Variants in CNNM2 observed in about 807,000 individuals in gnomAD.
CNNM2 encodes cyclin and CBS domain divalent metal cation transport mediator 2.
A neutral mutation model predicts 66.9 loss-of-function variants in CNNM2; 12 were observed. The ratio of observed to expected loss-of-function variants is 0.18; its 90% CI spans 0.11 to 0.29. The LOEUF (loss-of-function observed/expected upper bound fraction) is 0.29, where lower values mean the gene tolerates loss of function less well. Among genes scored for constraint, CNNM2 ranks in the 10% least tolerant of loss-of-function variants. The probability of loss-of-function intolerance (pLI) is 1.00; values close to 1 mark genes in which losing one functional copy is unlikely to be tolerated. For synonymous variants in CNNM2, 557 were observed against 501.8 expected, an observed-to-expected ratio of 1.11 and a Z score of -1.47; for missense variants, 705 against 1,167.7, an observed-to-expected ratio of 0.60 and a Z score of 5.77.
chr10:102,934,529 C>T lies in CNNM2; in HGVS notation c.1621+14428C>T, dbSNP rs67760877. On this transcript the variant is annotated intron_variant, in intron 1 of 7. Transcript: ENST00000369878. ...CTTCTGACCTCAAATGATCCACCCA[C>T]CTCGGCCTCCCAAAGTGCTGGGATT... Among the ~76,000 whole-genome samples the T allele has an allele frequency of 0.31, 47,309 of 151,722 alleles. 7,490 individuals are homozygous for T. The highest frequency in any genetic ancestry group is 0.37 in the Middle Eastern group (109 of 294).
Position 103,087,954 on chromosome 10 carries a change from A to C in CNNM2, c.*10774A>C, listed in dbSNP as rs2065883102. ...ATAAAATAATTTTTTAAAAAGCCTC[A>C]CTTCACAGTCCTGTTCCAAAAATCT... On this transcript the variant is annotated 3_prime_UTR_variant, in exon 8 of 8. Transcript: ENST00000369878. The C allele has an allele frequency of 6.6e-6, 1 of 152,234 alleles. No individual in the cohort carries two copies. The highest frequency in any genetic ancestry group is 6.5e-5 in the Admixed American group (1 of 15,290). 9.4% of individuals were successfully genotyped at this position (152,234 alleles called of 1,614,324 possible).
intron 1 of CNNM2, among the ~76,000 whole-genome samples, chr10:103,033,675 G>A (rs1156946653): frequency 6.6e-6 from 1 of 151,754 alleles, no homozygotes; most frequent in Non-Finnish European, 1.5e-5. Flanking sequence ...TGGTAGAGAT[G>A]GGGGTTTCAC....
chr10:102,954,235 C>T (rs1227681185), intron 1 of CNNM2, among the ~76,000 whole-genome samples: 6 of 151,270 alleles, frequency 4.0e-5, no homozygotes, highest in African/African-American at 9.7e-5. Context: ...TCAAGCAATC[C>T]TCCTGCCTCA....
chr10:102,959,531 C>G (rs1185617375), intron 1 of CNNM2, among the ~76,000 whole-genome samples: 1 of 152,162 alleles, frequency 6.6e-6, no homozygotes, highest in East Asian at 1.9e-4. Flanking sequence ...TGCATAACAC[C>G]AGGAAAGTTA....
intron 1 of CNNM2, among the ~76,000 whole-genome samples, chr10:103,012,382 G>A (rs978388641): frequency 3.3e-5 from 5 of 152,056 alleles, no homozygotes; most frequent in African/African-American, 9.7e-5. Context: ...ATGGTGGCTC[G>A]CGCCTGTAAT....
At chr10:102,944,581 CGTGTGTGT>C (rs148795286) in intron 1 of CNNM2, among the ~76,000 whole-genome samples, 108 of 143,486 alleles carry the variant, frequency 7.5e-4, no homozygotes, top group African/African-American at 2.4e-3. Context: ...TGTATCTTTT[CGTGTGTGT>C]GTGTGTGTGT....
At chr10:103,015,810 G>C (rs943287233) in intron 1 of CNNM2, among the ~76,000 whole-genome samples, 1 of 152,028 alleles carries the variant, frequency 6.6e-6, no homozygotes, top group African/African-American at 2.4e-5. Flanking sequence ...CTGAGATCAT[G>C]CCACTGCACT....
intron 1 of CNNM2, chr10:102,927,409 T>G (rs1172778604): frequency 6.2e-7 from 1 of 1,613,512 alleles, no homozygotes; most frequent in Non-Finnish European, 8.5e-7. Context: ...GAAGCATTCT[T>G]TCTTTCAACA....
chr10:102,997,642 AT>A (rs1354408738), intron 1 of CNNM2, among the ~76,000 whole-genome samples: 1 of 152,118 alleles, frequency 6.6e-6, no homozygotes, highest in Non-Finnish European at 1.5e-5. Context: ...ATAAAGTATA[AT>A]TTATATAAAA....
In CNNM2 at chr10:103,054,229, G is replaced by A. The variant is rs1333676233; in HGVS notation, c.1766-100G>A. The A allele has an allele frequency of 7.4e-7, 1 of 1,358,774 alleles. No individual in the cohort carries two copies. The highest frequency in any genetic ancestry group is 1.0e-6 in the Non-Finnish European group (1 of 990,234). 84.2% of individuals were successfully genotyped at this position (1,358,774 alleles called of 1,614,324 possible). The stretch of plus-strand genomic sequence containing the variant: ...TAGAGCGCCTGCATCTGGAAATACA[G>A]TCCAGCTCTTCCAATATATTTTGTC... On this transcript the variant is annotated intron_variant, in intron 2 of 7. Coordinates refer to ENST00000369878, the MANE Select transcript of CNNM2 (RefSeq NM_017649.5). This position sits in a 1 kb window ranked among gnomAD's most constrained non-coding sequence, Gnocchi z 5.2.
At chr10:103,067,822 C>T (rs1300821418) in intron 4 of CNNM2, among the ~76,000 whole-genome samples, 1 of 152,148 alleles carries the variant, frequency 6.6e-6, no homozygotes, top group Non-Finnish European at 1.5e-5. Context: ...GAGAGGGGAA[C>T]TTTATTTTAA....
At chr10:103,033,765 G>C (rs1020038813) in intron 1 of CNNM2, among the ~76,000 whole-genome samples, 1 of 152,160 alleles carries the variant, frequency 6.6e-6, no homozygotes, top group African/African-American at 2.4e-5. Flanking sequence ...GATTACAGGC[G>C]TGAGCCACCG....
intron 2 of CNNM2, among the ~76,000 whole-genome samples, chr10:103,050,922 AC>A (rs2065203210): frequency 6.6e-6 from 1 of 152,110 alleles, no homozygotes; most frequent in Non-Finnish European, 1.5e-5. Context: ...CTTTGGCCAC[AC>A]CCTTAGCAAT....
At position 102,993,115 on chromosome 10, in the gene CNNM2, C is replaced by T. The variant is rs140540624; in HGVS notation, c.1622-56592C>T. ...GGCTTATAGAACTTGATACTCAGCACATGTTAATTGAATGACTAGATGATG... is the reference window on the plus strand; with the variant it reads ...GGCTTATAGAACTTGATACTCAGCATATGTTAATTGAATGACTAGATGATG... On this transcript the variant is annotated intron_variant, in intron 1 of 7. Coordinates refer to ENST00000369878, the MANE Select transcript of CNNM2 (RefSeq NM_017649.5). Among the ~76,000 whole-genome samples the T allele has an allele frequency of 4.6e-5, 7 of 152,290 alleles. No individual in the cohort carries two copies. The East Asian group carries it at 1.3e-3, about 29-fold the overall frequency.
intron 1 of CNNM2, among the ~76,000 whole-genome samples, chr10:103,036,615 C>CAGAGAG (rs1301296022): frequency 6.6e-6 from 1 of 152,200 alleles, no homozygotes; most frequent in Non-Finnish European, 1.5e-5. Context: ...TCTCCAAAAA[C>CAGAGAG]CGTTTCTCTC....
chr10:102,935,972 G>C (rs1408200959), intron 1 of CNNM2, among the ~76,000 whole-genome samples: 14 of 151,432 alleles, frequency 9.2e-5, no homozygotes, highest in Non-Finnish European at 1.9e-4. Flanking sequence ...GAGACAAAAT[G>C]AAACTCTATG....
intron 1 of CNNM2, among the ~76,000 whole-genome samples, chr10:102,944,240 A>G (rs1341791165): frequency 6.6e-6 from 1 of 151,722 alleles, no homozygotes; most frequent in Non-Finnish European, 1.5e-5. Context: ...CACCACGCCC[A>G]GCTAGTTTTT....
chr10:102,966,792 A>G (rs916530833), intron 1 of CNNM2, among the ~76,000 whole-genome samples: 1 of 152,204 alleles, frequency 6.6e-6, no homozygotes. Context: ...AGGTGGGAAT[A>G]AAGGAGACGA....
chr10:102,937,689 A>G (rs1002325328), intron 1 of CNNM2, among the ~76,000 whole-genome samples: 11 of 152,212 alleles, frequency 7.2e-5, no homozygotes, highest in Non-Finnish European at 1.6e-4. Context: ...GACAAGATCA[A>G]ATATTTGGTT....
Sources: allele counts gnomAD v4.1 joint callset (sites outside exome capture counted in the v4.1 genomes callset), GRCh38; gene constraint gnomAD v4.1.1; non-coding constraint Gnocchi (gnomAD v3.1); transcripts MANE v1.5; gene names NCBI Gene and HGNC (gene_info 2026-07-23, HGNC 2026-07-21).